The following MTNR1B variants were observed in gnomAD, a reference collection of about 807,000 sequenced individuals.
MTNR1B encodes the protein melatonin receptor 1B, also known as melatonin receptor type 1B.
A neutral mutation model predicts 7.0 loss-of-function variants in MTNR1B; 7 were observed. That is an observed-to-expected ratio of 1.00 (90% CI 0.57 to 1.88). MTNR1B has a LOEUF of 1.88. MTNR1B is among the 40% of genes most tolerant of loss of function. MTNR1B has a pLI of 0.00. For missense variants in MTNR1B, 478 were observed against 486.5 expected, an observed-to-expected ratio of 0.98 and a Z score of 0.16; for synonymous variants, 226 against 208.2, an observed-to-expected ratio of 1.09 and a Z score of -0.74.
rs200858672 is a variant in MTNR1B at position 92,972,457 on chromosome 11, T to A, written c.223+2509T>A. On this transcript the variant is annotated intron_variant, in intron 1 of 1. Transcript: ENST00000257068. The stretch of plus-strand genomic sequence containing the variant: ...GGTTAGATTAATTGTCTTTTTTTTT[T>A]CAGGGATATCCTATCTGTAGTGTCT... 8.8e-6 allele frequency: 4 copies of A among 456,190 alleles called. No homozygotes were observed. In the East Asian group the frequency reaches 2.8e-4, roughly 32 times the overall value. The allele number at this position is 456,190 out of a possible 1,614,324, so 28.3% of individuals were successfully genotyped here.
chr11:92,983,535 A>AG (rs1491284437), downstream of MTNR1B, among the ~76,000 whole-genome samples: 2 of 149,124 alleles, frequency 1.3e-5, no homozygotes, highest in African/African-American at 5.0e-5. Flanking sequence ...AAAAAAAAAA[A>AG]GAAGAAGAAG....
In MTNR1B at chr11:92,974,715, G is replaced by C. The variant is rs573464257; in HGVS notation, c.223+4767G>C. On this transcript the variant is annotated intron_variant, in intron 1 of 1. Transcript: ENST00000257068. ...CCCCTGGGGTTCATGCCATTCTCTT[G>C]CCTCAGCCTCCCGAGTAGCTGGGAC... Among the ~76,000 whole-genome samples the C allele has an allele frequency of 2.0e-5, 3 of 151,990 alleles. No homozygotes were observed. The East Asian group carries it at 5.9e-4, about 30-fold the overall frequency.
At chr11:92,975,533 T>C (rs1857998102) in intron 1 of MTNR1B, among the ~76,000 whole-genome samples, 1 of 152,182 alleles carries the variant, frequency 6.6e-6, no homozygotes, top group Non-Finnish European at 1.5e-5. Flanking sequence ...TGCTAAGAAT[T>C]CACACCATCT....
chr11:92,969,846 C>T lies in MTNR1B; in HGVS notation c.121C>T (p.Pro41Ser). 1.9e-6 allele frequency: 3 copies of T among 1,609,682 alleles called. No individual in the cohort carries two copies. The highest frequency in any genetic ancestry group is 1.3e-5 in the African/African-American group (1 of 74,910). ...GACCCCTCGACCTCCCTGGGTGGCT[C>T]CAGCGCTGTCCGCGGTGCTCATCGT... ...SRTPRPPWVA[P>S]ALSAVLIVTT... The change falls in exon 1 of 2, where the codon CCA (proline) becomes TCA (serine). Residue 41 changes from proline (P) to serine (S), a missense_variant. Pro to Ser is a moderately conservative substitution (Grantham distance 74). Coordinates refer to ENST00000257068, the MANE Select transcript of MTNR1B (RefSeq NM_005959.5).
At chr11:92,973,172 A>C (rs1026459114) in intron 1 of MTNR1B, among the ~76,000 whole-genome samples, 1 of 151,974 alleles carries the variant, frequency 6.6e-6, no homozygotes, top group Non-Finnish European at 1.5e-5. Context: ...CTGTGCCCTG[A>C]AAGTCATCTT....
chr11:92,977,747 G>C lies in MTNR1B; in HGVS notation c.224-3700G>C, dbSNP rs1014050560. Among the ~76,000 whole-genome samples the C allele has an allele frequency of 2.6e-5, 4 of 152,278 alleles. No homozygotes were observed. In the South Asian group the frequency reaches 8.3e-4, roughly 32 times the overall value. ...GTTCCATGGGCATCTCAATGGCAGG[G>C]GCCATGTCTTTCATCCATCACTGCG... On this transcript the variant is annotated intron_variant, in intron 1 of 1. Transcript: ENST00000257068.
chr11:92,982,944 C>CA (rs201005801), downstream of MTNR1B, among the ~76,000 whole-genome samples: 33 of 94,314 alleles, frequency 3.5e-4, 2 homozygotes, highest in African/African-American at 1.3e-3. Flanking sequence ...GCACCCCCCC[C>CA]CCCCACACAC....
Position 92,982,469 on chromosome 11 carries a change from T to C in MTNR1B, c.*157T>C. 1 of 872,890 alleles carries C rather than the reference T, an allele frequency of 1.1e-6. No individual in the cohort carries two copies. Among genetic ancestry groups the C allele is most frequent in the Non-Finnish European group, 1.7e-6 (1 of 585,566 alleles). 54.1% of individuals were successfully genotyped at this position (872,890 alleles called of 1,614,324 possible). A position where few individuals can be genotyped will look rare whatever the true frequency, so the allele number is the denominator to read the frequency against. On this transcript the variant is annotated 3_prime_UTR_variant, in exon 2 of 2. Transcript: ENST00000257068. ...ACTTCATGCTGGGACAAGCAGCCCA[T>C]CAACGCCATGGGTTCAGGCTGATCC...
chr11:92,982,087 G>A lies in MTNR1B; in HGVS notation c.864G>A (p.Gly288=), dbSNP rs1366054650. ...PQEMAPQIPE[G]LFVTSYLLAY... is the part of the protein sequence containing the mutation. ...AAATGGCTCCCCAGATCCCTGAGGGGCTATTTGTCACTAGCTACTTACTGG... is the reference window on the plus strand; with the variant it reads ...AAATGGCTCCCCAGATCCCTGAGGGACTATTTGTCACTAGCTACTTACTGG... The change falls in exon 2 of 2, where the codon GGG becomes GGA. Residue 288 remains glycine (G), a synonymous_variant. Coordinates refer to ENST00000257068, the MANE Select transcript of MTNR1B (RefSeq NM_005959.5). 3.7e-6 allele frequency: 6 copies of A among 1,614,136 alleles called. No individual in the cohort carries two copies. The highest frequency in any genetic ancestry group is 1.3e-5 in the African/African-American group (1 of 74,944).
chr11:92,972,756 C>T (rs942629342), intron 1 of MTNR1B, among the ~76,000 whole-genome samples: 1 of 152,174 alleles, frequency 6.6e-6, no homozygotes. Flanking sequence ...CTCACCACTG[C>T]TGCCCTGACC....
intron 1 of MTNR1B, among the ~76,000 whole-genome samples, chr11:92,979,926 G>A (rs1157792826): frequency 5.3e-5 from 8 of 152,178 alleles, no homozygotes; most frequent in Non-Finnish European, 1.2e-4. Context: ...ATAAGTCCAG[G>A]TGTGCCATCT....
chr11:92,984,606 A>T (rs554279622), downstream of MTNR1B, among the ~76,000 whole-genome samples: 2 of 152,204 alleles, frequency 1.3e-5, no homozygotes, highest in Non-Finnish European at 2.9e-5. Flanking sequence ...GAGGAGAAGG[A>T]GGCATCAATT....
chr11:92,980,783 T>C (rs927734237), intron 1 of MTNR1B, among the ~76,000 whole-genome samples: 6 of 152,182 alleles, frequency 3.9e-5, no homozygotes, highest in Admixed American at 3.9e-4. Flanking sequence ...ACTGCAAGTG[T>C]CTGTCAACAT....
Position 92,981,578 on chromosome 11 carries a change from G to A in MTNR1B, c.355G>A (p.Val119Met). ...GEEHCKASAF[V>M]MGLSVIGSVF... ...GGAGCACTGCAAGGCCAGCGCCTTT[G>A]TGATGGGCCTGAGCGTCATCGGCTC... is the stretch of plus-strand genomic sequence containing the variant. The change falls in exon 2 of 2, where the codon GTG becomes ATG. Residue 119 changes from valine (V) to methionine (M), a missense_variant. By Grantham distance (21) the Val-to-Met change is conservative. Coordinates refer to ENST00000257068, the MANE Select transcript of MTNR1B (RefSeq NM_005959.5). 1 of 1,614,146 alleles carries A rather than the reference G, an allele frequency of 6.2e-7. No individual in the cohort carries two copies. The highest frequency in any genetic ancestry group is 1.1e-5 in the South Asian group (1 of 91,078).
intron 1 of MTNR1B, among the ~76,000 whole-genome samples, chr11:92,974,479 G>A (rs975058923): frequency 3.3e-5 from 5 of 152,008 alleles, no homozygotes; most frequent in Non-Finnish European, 7.4e-5. Context: ...GTTGTTTTTT[G>A]TGAGACAGAG....
At chr11:92,976,076 A>C (rs1858005455) in intron 1 of MTNR1B, among the ~76,000 whole-genome samples, 1 of 152,252 alleles carries the variant, frequency 6.6e-6, no homozygotes, top group South Asian at 2.1e-4. Flanking sequence ...CAGGAAAGCT[A>C]ATAATCCTCT....
At chr11:92,974,713 T>C (rs555173934) in intron 1 of MTNR1B, among the ~76,000 whole-genome samples, 2 of 150,502 alleles carry the variant, frequency 1.3e-5, no homozygotes, top group Non-Finnish European at 2.9e-5. Flanking sequence ...TGCCATTCTC[T>C]TGCCTCAGCC....
chr11:92,974,689 C>G (rs990269699), intron 1 of MTNR1B, among the ~76,000 whole-genome samples: 1 of 151,336 alleles, frequency 6.6e-6, no homozygotes, highest in African/African-American at 2.4e-5. Context: ...GCAAGCTCCG[C>G]CCCCTGGGGT....
rs764536870 is a variant in MTNR1B at position 92,981,680 on chromosome 11, C to T, written c.457C>T (p.Arg153Trp). The change falls in exon 2 of 2, where the codon CGG becomes TGG. Residue 153 changes from arginine to tryptophan, a missense_variant. Coordinates refer to ENST00000257068, the MANE Select transcript of MTNR1B (RefSeq NM_005959.5). ...CAGCATGGCCTACCACCGAATCTAC[C>T]GGCGCTGGCACACCCCTCTGCACAT... Reference protein sequence around the residue: ...CHSMAYHRIYRRWHTPLHICL... With the variant: ...CHSMAYHRIYWRWHTPLHICL... 68 of 1,614,092 alleles carry T rather than the reference C, an allele frequency of 4.2e-5. No individual in the cohort carries two copies. In the East Asian group the frequency reaches 9.8e-4, roughly 23 times the overall value.
Sources: gnomAD v4.1 joint callset for allele counts (sites outside exome capture counted in the v4.1 genomes callset) on GRCh38, gnomAD v4.1.1 for gene constraint, MANE v1.5 for transcripts, NCBI Gene and HGNC (gene_info 2026-07-23, HGNC 2026-07-21) for gene names.